The following PXDNL variants were observed in gnomAD, a reference collection of about 807,000 sequenced individuals.
PXDNL encodes peroxidasin like, also known as probable oxidoreductase PXDNL.
In PXDNL, 145 loss-of-function variants were observed where a neutral mutation model predicts 150.8. The ratio of observed to expected loss-of-function variants is 0.96; its 90% CI spans 0.84 to 1.10. The LOEUF is 1.10. PXDNL is among the 50% of genes least tolerant of loss of function. PXDNL has a pLI of 0.00. For synonymous variants in PXDNL, 757 were observed against 725.7 expected (o/e 1.04, Z -0.69); for missense variants, 2,087 against 1,873.9 (o/e 1.11, Z -2.10).
chr8:51,547,985 A>G (rs1310064428), intron 4 of PXDNL, among the ~76,000 whole-genome samples: 1 of 152,116 alleles, frequency 6.6e-6, no homozygotes, highest in Non-Finnish European at 1.5e-5. Context: ...TAGCATAAAG[A>G]AAACACAATC....
chr8:51,790,512 A>G (rs969268535), intron 1 of PXDNL, among the ~76,000 whole-genome samples: 3 of 152,126 alleles, frequency 2.0e-5, no homozygotes, highest in Non-Finnish European at 4.4e-5. Flanking sequence ...TGAGTTGCAA[A>G]CCTTTTCTTA....
At chr8:51,624,544 A>AG (rs1173771623) in intron 2 of PXDNL, among the ~76,000 whole-genome samples, 325 of 152,030 alleles carry the variant, frequency 2.1e-3, no homozygotes, top group African/African-American at 6.9e-3. Context: ...TAGAAATAAT[A>AG]TTTTCTAAAA....
At chr8:51,606,815 T>G (rs1476702766) in intron 2 of PXDNL, among the ~76,000 whole-genome samples, 1 of 152,142 alleles carries the variant, frequency 6.6e-6, no homozygotes, top group Non-Finnish European at 1.5e-5. Context: ...CTTTGCAATC[T>G]GAATGTCTTT....
chr8:51,392,535 CTGTT>C (rs539024887), intron 17 of PXDNL, among the ~76,000 whole-genome samples: 3,788 of 152,228 alleles, frequency 0.025, 180 homozygotes, highest in African/African-American at 0.085. Flanking sequence ...ATTTGGCTCT[CTGTT>C]TGTCTGTTAT....
intron 19 of PXDNL, among the ~76,000 whole-genome samples, chr8:51,350,204 C>G (rs926235217): frequency 2.6e-5 from 4 of 151,908 alleles, no homozygotes; most frequent in African/African-American, 7.3e-5. Context: ...TGGTTTGGGA[C>G]GGAATGCAAT....
intron 4 of PXDNL, among the ~76,000 whole-genome samples, chr8:51,543,830 G>A (rs939625828): frequency 6.6e-6 from 1 of 151,660 alleles, no homozygotes; most frequent in African/African-American, 2.4e-5. Context: ...TTACAAAAGA[G>A]ATATTTGCTG....
At chr8:51,594,128 C>A (rs954456861) in intron 2 of PXDNL, among the ~76,000 whole-genome samples, 2 of 152,128 alleles carry the variant, frequency 1.3e-5, no homozygotes, top group Non-Finnish European at 2.9e-5. Context: ...TTCTGTCCAC[C>A]TTAGTCTATT....
chr8:51,461,466 T>TGGTGGACC (rs2130025245), intron 8 of PXDNL, among the ~76,000 whole-genome samples: 1 of 152,272 alleles, frequency 6.6e-6, no homozygotes, highest in Admixed American at 6.5e-5. Context: ...CCAGGAGACC[T>TGGTGGACC]AGTCAAAGGA....
At chr8:51,596,828 G>T (rs960915658) in intron 2 of PXDNL, among the ~76,000 whole-genome samples, 4 of 152,046 alleles carry the variant, frequency 2.6e-5, no homozygotes, top group Non-Finnish European at 5.9e-5. Flanking sequence ...TGCACAGTTT[G>T]TAGATATTTT....
intron 1 of PXDNL, among the ~76,000 whole-genome samples, chr8:51,760,951 C>T (rs1264128157): frequency 7.0e-6 from 1 of 143,244 alleles, no homozygotes; most frequent in East Asian, 2.1e-4. Flanking sequence ...CTCCGCCTCC[C>T]GGGTTCACGC....
At chr8:51,560,517 A>C (rs1174681195) in intron 3 of PXDNL, among the ~76,000 whole-genome samples, 2 of 152,030 alleles carry the variant, frequency 1.3e-5, no homozygotes, top group African/African-American at 2.4e-5. Flanking sequence ...TATATGGTCA[A>C]ATGATTATTT....
chr8:51,769,765 G>C (rs1428560873), intron 1 of PXDNL, among the ~76,000 whole-genome samples: 1 of 152,144 alleles, frequency 6.6e-6, no homozygotes, highest in Non-Finnish European at 1.5e-5. Context: ...AAGTCATGTA[G>C]CTAAACAATA....
At chr8:51,791,098 C>A (rs1199838165) in intron 1 of PXDNL, among the ~76,000 whole-genome samples, 1 of 152,088 alleles carries the variant, frequency 6.6e-6, no homozygotes, top group African/African-American at 2.4e-5. Flanking sequence ...AAGCTACTTG[C>A]CCAAAGACAC....
intron 2 of PXDNL, among the ~76,000 whole-genome samples, chr8:51,603,119 T>G (rs572215177): frequency 6.6e-6 from 1 of 151,922 alleles, no homozygotes; most frequent in African/African-American, 2.4e-5. Flanking sequence ...CTCCAACATG[T>G]ATCTGGTTCC....
At chr8:51,501,658 T>A (rs571371885) in intron 4 of PXDNL, among the ~76,000 whole-genome samples, 2 of 152,172 alleles carry the variant, frequency 1.3e-5, no homozygotes, top group African/African-American at 2.4e-5. Flanking sequence ...TAACACACTT[T>A]CACGCACTGA....
At chr8:51,733,079 C>A (rs1816964976) in intron 1 of PXDNL, among the ~76,000 whole-genome samples, 1 of 152,216 alleles carries the variant, frequency 6.6e-6, no homozygotes, top group Non-Finnish European at 1.5e-5. Context: ...CTGCTTTGTT[C>A]TGGCAACAGT....
chr8:51,676,172 C>T (rs1164827625), intron 1 of PXDNL, among the ~76,000 whole-genome samples: 1 of 152,058 alleles, frequency 6.6e-6, no homozygotes, highest in Non-Finnish European at 1.5e-5. Context: ...TCTTTACCTC[C>T]TAAGAATGCT....
At chr8:51,733,967 T>A (rs1352840006) in intron 1 of PXDNL, among the ~76,000 whole-genome samples, 5 of 151,552 alleles carry the variant, frequency 3.3e-5, no homozygotes, top group African/African-American at 9.7e-5. Context: ...ATATTCCATT[T>A]TATGTTAATA....
At chr8:51,356,753 T>C (rs944071196) in intron 19 of PXDNL, among the ~76,000 whole-genome samples, 6 of 152,180 alleles carry the variant, frequency 3.9e-5, no homozygotes, top group Non-Finnish European at 8.8e-5. Context: ...CTCATGAGGT[T>C]TCCCTTTTCC....
Sources: allele counts gnomAD v4.1 joint callset (sites outside exome capture counted in the v4.1 genomes callset), GRCh38; gene constraint gnomAD v4.1.1; transcripts MANE v1.5; gene names NCBI Gene and HGNC (gene_info 2026-07-23, HGNC 2026-07-21).